Variants in FLYWCH1 observed in about 807,000 individuals in gnomAD.
FLYWCH1 encodes FLYWCH-type zinc finger 1.
Under a neutral mutation model 66.4 loss-of-function variants are expected in FLYWCH1, and 75 were observed. The observed-to-expected ratio is 1.13, with a 90% CI of 0.94 to 1.37. The LOEUF is 1.37. FLYWCH1 is among the 40% of genes most tolerant of loss of function. The pLI is 0.00. For synonymous variants in FLYWCH1, 595 were observed against 429.9 expected (o/e 1.38, Z -4.75); for missense variants, 1,334 against 1,001.8 (o/e 1.33, Z -4.48).
In FLYWCH1 at chr16:2,938,471, TG is replaced by T. The variant is rs570555050; in HGVS notation, c.2050+19del. Reference sequence around the variant, plus strand: ...GGAGGACCCAGGTACAGGCAGGCTGTGGGGCAGAGGCAGGGCTGTGGGCATC... The same window carrying T: ...GGAGGACCCAGGTACAGGCAGGCTGTGGGCAGAGGCAGGGCTGTGGGCATC... On this transcript the variant is annotated intron_variant, in intron 8 of 9. Coordinates refer to ENST00000253928, the MANE Select transcript of FLYWCH1 (RefSeq NM_001308068.2). 191 of 1,512,114 alleles carry T rather than the reference TG, an allele frequency of 1.3e-4. 1 individual carries two copies. The South Asian group carries it at 2.3e-3, about 18-fold the overall frequency. 93.7% of individuals were successfully genotyped at this position (1,512,114 alleles called of 1,614,324 possible). A position where few individuals can be genotyped will look rare whatever the true frequency, so the allele number is the denominator to read the frequency against.
chr16:2,932,505 C>A (rs1022517711), intron 4 of FLYWCH1, among the ~76,000 whole-genome samples: 1 of 151,960 alleles, frequency 6.6e-6, no homozygotes, highest in South Asian at 2.1e-4. Flanking sequence ...GTTTTATTAC[C>A]AGTAACTGGG....
At chr16:2,933,063 G>A (rs2070827527) in intron 4 of FLYWCH1, 67 bp from the exon 5 acceptor site, 5 of 1,402,684 alleles carry the variant, frequency 3.6e-6, no homozygotes, top group Non-Finnish European at 3.9e-6. Flanking sequence ...CCCACAGTCT[G>A]CAGGGGCTGT....
chr16:2,946,567 C>T (rs1297087556), intron 9 of FLYWCH1, among the ~76,000 whole-genome samples: 1 of 152,042 alleles, frequency 6.6e-6, no homozygotes, highest in Non-Finnish European at 1.5e-5. Flanking sequence ...AGGTGATCCA[C>T]CTGCCTCAGC....
chr16:2,947,438 T>C (rs974498729), intron 9 of FLYWCH1, among the ~76,000 whole-genome samples: 4 of 152,058 alleles, frequency 2.6e-5, no homozygotes, highest in Non-Finnish European at 4.4e-5. Flanking sequence ...TTATGGGATG[T>C]GAATTATAGC....
At position 2,950,886 on chromosome 16, in the gene FLYWCH1, A is replaced by C. The variant is rs538260685; in HGVS notation, c.*2159A>C. ...GCCACCAACCCGCACCCTGGTGGCC[A>C]CTCAGCCATGACAAGGGCCTGACAG... On this transcript the variant is annotated 3_prime_UTR_variant, in exon 10 of 10. Coordinates refer to ENST00000253928, the MANE Select transcript of FLYWCH1 (RefSeq NM_001308068.2). 5.3e-5 allele frequency: 8 copies of C among 152,336 alleles called. No individual in the cohort carries two copies. The highest frequency in any genetic ancestry group is 5.2e-4 in the Admixed American group (8 of 15,300). 9.4% of individuals were successfully genotyped at this position (152,336 alleles called of 1,614,324 possible).
chr16:2,917,842 T>C, intron 2 of FLYWCH1, among the ~76,000 whole-genome samples: 1 of 135,528 alleles, frequency 7.4e-6, no homozygotes, highest in Non-Finnish European at 1.6e-5. Context: ...TCTGGAGTCT[T>C]TTCTTCCCCC....
At chr16:2,941,560 A>T (rs1468933954) in intron 9 of FLYWCH1, among the ~76,000 whole-genome samples, 1 of 151,612 alleles carries the variant, frequency 6.6e-6, no homozygotes, top group African/African-American at 2.4e-5. Flanking sequence ...AGCCTGGGAG[A>T]CAGAGCAAGA....
chr16:2,919,702 C>T (rs1018929719), intron 2 of FLYWCH1, among the ~76,000 whole-genome samples: 2 of 152,134 alleles, frequency 1.3e-5, no homozygotes, highest in African/African-American at 4.8e-5. Flanking sequence ...GCTCGAAGTA[C>T]TACTTTTTGT....
At chr16:2,925,575 G>T (rs12933837) in intron 2 of FLYWCH1, among the ~76,000 whole-genome samples, 22,941 of 94,680 alleles carry the variant, frequency 0.24, 2,932 homozygotes, top group Non-Finnish European at 0.36. Flanking sequence ...GGGGAGTTGC[G>T]GGGGGAGGGG....
Position 2,929,901 on chromosome 16 carries a change from C to A in FLYWCH1, c.216C>A (p.Gly72=), listed in dbSNP as rs910565957. 1.9e-6 allele frequency: 3 copies of A among 1,613,630 alleles called. No individual in the cohort carries two copies. In the African/African-American group the frequency reaches 4.0e-5, roughly 22 times the overall value. Residue 72 remains glycine, a synonymous_variant, in exon 3 of 10, where the codon GGC becomes GGA. Transcript: ENST00000253928. ...GCGTCCTGTCCCTGGAGATGGCTGG[C>A]CCCGCCACCCTCGCCAGCACCTTGC... ...VHCVLSLEMA[G]PATLASTLQI...
chr16:2,939,948 C>T (rs959292909), intron 8 of FLYWCH1, 84 bp from the exon 9 acceptor site: 23 of 1,499,852 alleles, frequency 1.5e-5, no homozygotes, highest in Admixed American at 4.2e-5. Context: ...TTGAGGGCGT[C>T]GTTAACAAGG....
chr16:2,920,666 C>T (rs1370007375), intron 2 of FLYWCH1, among the ~76,000 whole-genome samples: 2 of 151,516 alleles, frequency 1.3e-5, no homozygotes, highest in Non-Finnish European at 2.9e-5. Flanking sequence ...CTCAGCCTCC[C>T]GAGTAGCTGG....
intron 4 of FLYWCH1, among the ~76,000 whole-genome samples, chr16:2,931,524 G>A (rs2070761976): frequency 1.3e-5 from 2 of 151,850 alleles, no homozygotes; most frequent in South Asian, 4.2e-4. Context: ...ACTGAGGTGG[G>A]AGGATCACTT....
rs370306017 is a variant in FLYWCH1, at chr16:2,933,188, C to G, written c.855C>G (p.His285Gln). 1 of 1,613,658 alleles carries G rather than the reference C, an allele frequency of 6.2e-7. No homozygotes were observed. Among genetic ancestry groups the G allele is most frequent in the African/African-American group, 1.3e-5 (1 of 74,958 alleles). ...GCTACGGGGGCAGCTTCCTGGTACA[C>G]GAGTCGTTCCTCTACAAGCGGGAGA... ...RTCYGGSFLV[H>Q]ESFLYKREKA... Residue 285 changes from histidine (H) to glutamine (Q), a missense_variant, in exon 5 of 10, where the codon CAC becomes CAG. His to Gln is a conservative substitution (Grantham distance 24). Coordinates refer to ENST00000253928, the MANE Select transcript of FLYWCH1 (RefSeq NM_001308068.2).
At chr16:2,916,843 C>A (rs1445091064) in intron 2 of FLYWCH1, among the ~76,000 whole-genome samples, 1 of 151,782 alleles carries the variant, frequency 6.6e-6, no homozygotes, top group African/African-American at 2.4e-5. Flanking sequence ...ATTGCTAATA[C>A]TTTCAAAAAC....
Position 2,933,550 on chromosome 16 carries a change from C to G in FLYWCH1, c.1217C>G (p.Pro406Arg). 2 of 1,605,362 alleles carry G rather than the reference C, an allele frequency of 1.2e-6. No individual in the cohort carries two copies. The highest frequency in any genetic ancestry group is 3.3e-4 in the Middle Eastern group (2 of 6,010). The change falls in exon 5 of 10, where the codon CCA (proline) becomes CGA (arginine). Residue 406 changes from proline to arginine, a missense_variant. Transcript: ENST00000253928. ...DQELPTQPEA[P>R]DEHQDMDADP... ...GAGCTGCCAACCCAGCCCGAGGCCC[C>G]AGACGAGCACCAGGACATGGACGCA...
At chr16:2,941,981 A>G (rs1406523927) in intron 9 of FLYWCH1, among the ~76,000 whole-genome samples, 1 of 132,816 alleles carries the variant, frequency 7.5e-6, no homozygotes, top group Non-Finnish European at 1.6e-5. Context: ...TGGGCGACAG[A>G]GCAAGACTCA....
At chr16:2,936,445 C>A in intron 6 of FLYWCH1, 1 of 450,216 alleles carries the variant, frequency 2.2e-6, no homozygotes, top group Non-Finnish European at 4.5e-6. Flanking sequence ...CAGCCAGACA[C>A]CCTCCCGCCC....
At chr16:2,922,562 A>C (rs954228790) in intron 2 of FLYWCH1, 1 of 296,014 alleles carries the variant, frequency 3.4e-6, no homozygotes, top group Non-Finnish European at 6.5e-6. Flanking sequence ...GGAATCAGAC[A>C]GTGTTTGTCC....
Sources: allele counts gnomAD v4.1 joint callset (sites outside exome capture counted in the v4.1 genomes callset), GRCh38; gene constraint gnomAD v4.1.1; transcripts MANE v1.5; gene names NCBI Gene and HGNC (gene_info 2026-07-23, HGNC 2026-07-21).